ZEB1: variants seen among roughly 807,000 people sequenced by gnomAD.
ZEB1 encodes zinc finger E-box binding homeobox 1.
Under a neutral mutation model 84.9 loss-of-function variants are expected in ZEB1, and 21 were observed. That is an observed-to-expected ratio of 0.25 (90% CI 0.18 to 0.36). ZEB1 has a LOEUF of 0.36. Ranked by LOEUF, ZEB1 falls within the 10% of genes least tolerant of loss-of-function variation. ZEB1 has a pLI of 1.00. For synonymous variants in ZEB1, 420 were observed against 471.1 expected (o/e 0.89, Z 1.41); for missense variants, 1,104 against 1,330.2 (o/e 0.83, Z 2.65).
intron 2 of ZEB1, among the ~76,000 whole-genome samples, chr10:31,473,577 A>G (rs1200629763): frequency 6.6e-6 from 1 of 150,756 alleles, no homozygotes; most frequent in Admixed American, 6.6e-5. Flanking sequence ...AACAAATGGA[A>G]GAACATTCCA....
At chr10:31,459,830 AGTGTGTGTGTGTGTGTGT>A (rs3086581) in intron 1 of ZEB1, among the ~76,000 whole-genome samples, 1,680 of 129,900 alleles carry the variant, frequency 0.013, 29 homozygotes, top group African/African-American at 0.036. Flanking sequence ...TGTTCTCAGG[AGTGTGTGTGTGTGTGTGT>A]GTGTGTGTGT....
At chr10:31,349,790 T>C (rs923193821) in intron 1 of ZEB1, among the ~76,000 whole-genome samples, 1 of 152,182 alleles carries the variant, frequency 6.6e-6, no homozygotes, top group Non-Finnish European at 1.5e-5. Flanking sequence ...TTAGTTGCTT[T>C]AGCTTTTTAC....
intron 1 of ZEB1, among the ~76,000 whole-genome samples, chr10:31,457,938 G>A (rs186129786): frequency 6.0e-4 from 91 of 152,204 alleles, no homozygotes; most frequent in Middle Eastern, 3.4e-3. Context: ...ATAATATAAT[G>A]CTAGGCTGCA....
chr10:31,493,024 G>A lies in ZEB1; in HGVS notation c.260-2752G>A, dbSNP rs2066754491. Among the ~76,000 whole-genome samples, 9 of 151,982 alleles carry A rather than the reference G, an allele frequency of 5.9e-5. No homozygotes were observed. The South Asian group carries it at 1.7e-3, about 28-fold the overall frequency. ...TCCTCCAATGGTAACATAATATAAT[G>A]TCACAACAAGCATATTGACATTGAT... On this transcript the variant is annotated intron_variant, in intron 2 of 8. Transcript: ENST00000424869.
intron 1 of ZEB1, among the ~76,000 whole-genome samples, chr10:31,459,624 A>G (rs987301891): frequency 3.9e-5 from 6 of 152,186 alleles, no homozygotes; most frequent in African/African-American, 1.4e-4. Flanking sequence ...TAAAATATTA[A>G]TGGCATAACA....
At chr10:31,439,564 G>C (rs185155679) in intron 1 of ZEB1, among the ~76,000 whole-genome samples, 75 of 152,026 alleles carry the variant, frequency 4.9e-4, no homozygotes, top group Admixed American at 2.2e-3. Flanking sequence ...AAAAATTCCT[G>C]TCTGAATGGA....
chr10:31,418,902 C>T (rs2055669924), intron 1 of ZEB1, among the ~76,000 whole-genome samples: 1 of 152,078 alleles, frequency 6.6e-6, no homozygotes, highest in African/African-American at 2.4e-5. Context: ...TTTTAGATTT[C>T]AGATTTTCAG....
chr10:31,395,269 CTT>C (rs1554837465), intron 1 of ZEB1, among the ~76,000 whole-genome samples: 1 of 152,170 alleles, frequency 6.6e-6, no homozygotes, highest in Non-Finnish European at 1.5e-5. Context: ...ACGAGATACT[CTT>C]TTCCTAAATG....
chr10:31,333,900 G>T (rs1316072606), intron 1 of ZEB1, among the ~76,000 whole-genome samples: 3 of 151,960 alleles, frequency 2.0e-5, no homozygotes, highest in African/African-American at 7.2e-5. Flanking sequence ...TAGAAATGTT[G>T]TATGGCTATA....
intron 2 of ZEB1, among the ~76,000 whole-genome samples, chr10:31,482,419 A>G (rs2065161805): frequency 6.6e-6 from 1 of 151,906 alleles, no homozygotes; most frequent in South Asian, 2.1e-4. Flanking sequence ...TAGAGGTTAC[A>G]GGAGGTTATG....
chr10:31,346,758 A>G (rs1450293069), intron 1 of ZEB1, among the ~76,000 whole-genome samples: 1 of 152,134 alleles, frequency 6.6e-6, no homozygotes, highest in African/African-American at 2.4e-5. Context: ...GGGAACTTAA[A>G]TCTTGTCAAA....
chr10:31,522,832 C>T (rs1428446140), intron 7 of ZEB1, among the ~76,000 whole-genome samples: 1 of 151,914 alleles, frequency 6.6e-6, no homozygotes, highest in East Asian at 1.9e-4. Flanking sequence ...TTTTGTTTTC[C>T]CTTAAATATT....
chr10:31,401,040 G>A (rs536275641), intron 1 of ZEB1, among the ~76,000 whole-genome samples: 1 of 152,062 alleles, frequency 6.6e-6, no homozygotes, highest in Non-Finnish European at 1.5e-5. Flanking sequence ...TCTTAAGGCT[G>A]TTTTGTTTTA....
intron 1 of ZEB1, among the ~76,000 whole-genome samples, chr10:31,383,241 C>A (rs1019633451): frequency 6.6e-6 from 1 of 152,048 alleles, no homozygotes; most frequent in Non-Finnish European, 1.5e-5. Flanking sequence ...ATTGCACTAT[C>A]CAATATGTAG....
At chr10:31,475,397 C>A (rs2063986848) in intron 2 of ZEB1, among the ~76,000 whole-genome samples, 1 of 151,972 alleles carries the variant, frequency 6.6e-6, no homozygotes. Context: ...TTAGGAAAAT[C>A]ACCCAATCTT....
intron 1 of ZEB1, among the ~76,000 whole-genome samples, chr10:31,428,440 G>T (rs2057266242): frequency 6.6e-6 from 1 of 152,164 alleles, no homozygotes; most frequent in Admixed American, 6.5e-5. Flanking sequence ...TAAGATTTCA[G>T]TTCTTTTACA....
At chr10:31,380,818 G>A (rs1262186012) in intron 1 of ZEB1, among the ~76,000 whole-genome samples, 1 of 152,156 alleles carries the variant, frequency 6.6e-6, no homozygotes, top group Non-Finnish European at 1.5e-5. Flanking sequence ...TTTTACATGT[G>A]ACTCTGAGGA....
rs200849283 is a variant in ZEB1, at chr10:31,319,337, T to C, written c.58+45T>C. The C allele has an allele frequency of 2.2e-3, 3,318 of 1,515,348 alleles. 69 individuals are homozygous for C. In the African/African-American group the frequency reaches 0.045, roughly 20 times the overall value. The allele number at this position is 1,515,348 out of a possible 1,614,324, so 93.9% of individuals were successfully genotyped here. On this transcript the variant is annotated intron_variant, in intron 1 of 8. Coordinates refer to ENST00000424869, the MANE Select transcript of ZEB1 (RefSeq NM_001174096.2). Reference sequence around the variant, plus strand: ...GGGGAGCGGCGGAGTCAGGGGGAGCTGGGCAGCCGGGGCGCCCCCGGGGGT... The same window carrying C: ...GGGGAGCGGCGGAGTCAGGGGGAGCCGGGCAGCCGGGGCGCCCCCGGGGGT...
At chr10:31,409,575 A>G (rs2135730319) in intron 1 of ZEB1, among the ~76,000 whole-genome samples, 1 of 152,080 alleles carries the variant, frequency 6.6e-6, no homozygotes. Flanking sequence ...GATGGGGATA[A>G]CATTCAATTT....
Sources: allele counts gnomAD v4.1 joint callset (sites outside exome capture counted in the v4.1 genomes callset), GRCh38; gene constraint gnomAD v4.1.1; transcripts MANE v1.5; gene names NCBI Gene and HGNC (gene_info 2026-07-23, HGNC 2026-07-21).